ATP10D: variants seen among roughly 807,000 people sequenced by gnomAD.
ATP10D encodes phospholipid-transporting ATPase VD.
In ATP10D, 89 loss-of-function variants were observed where a neutral mutation model predicts 144.8. The ratio of observed to expected loss-of-function variants is 0.61; its 90% CI spans 0.52 to 0.73. The LOEUF (loss-of-function observed/expected upper bound fraction) is 0.73. Among genes scored for constraint, ATP10D ranks in the 30% least tolerant of loss-of-function variants. The pLI, the probability that ATP10D is intolerant of heterozygous loss-of-function variation, is 0.00. For missense variants in ATP10D, 1,603 were observed against 1,714.8 expected, an observed-to-expected ratio of 0.93 and a Z score of 1.15; for synonymous variants, 571 against 615.1, an observed-to-expected ratio of 0.93 and a Z score of 1.06.
chr4:47,581,029 C>G (rs938091158), intron 20 of ATP10D, among the ~76,000 whole-genome samples: 12 of 152,140 alleles, frequency 7.9e-5, no homozygotes, highest in African/African-American at 2.9e-4. Flanking sequence ...CACCACTGCA[C>G]TCCAGCCTAG....
intron 2 of ATP10D, among the ~76,000 whole-genome samples, chr4:47,513,335 A>G (rs1716463014): frequency 6.6e-6 from 1 of 152,234 alleles, no homozygotes; most frequent in African/African-American, 2.4e-5. Flanking sequence ...ACTGAAGGAA[A>G]TGGAAGTGTG....
intron 21 of ATP10D, chr4:47,583,247 A>C (rs1720616055): frequency 6.6e-6 from 1 of 152,226 alleles, no homozygotes; most frequent in Non-Finnish European, 1.5e-5. Context: ...ACTGTATACC[A>C]GTGTTAAAGG....
At chr4:47,560,267 G>A (rs546192327) in intron 13 of ATP10D, 1 of 152,104 alleles carries the variant, frequency 6.6e-6, no homozygotes, top group Non-Finnish European at 1.5e-5. Context: ...GCAACCTAAA[G>A]ACAAAGGAAA....
At chr4:47,547,557 C>T (rs944725082) in intron 10 of ATP10D, 1 of 152,138 alleles carries the variant, frequency 6.6e-6, no homozygotes, top group Non-Finnish European at 1.5e-5. Context: ...TATAAAAGTT[C>T]AATTTCCTTC....
At chr4:47,585,213 A>G (rs1045656699) in intron 21 of ATP10D, among the ~76,000 whole-genome samples, 1 of 151,908 alleles carries the variant, frequency 6.6e-6, no homozygotes, top group Admixed American at 6.6e-5. Context: ...CAAACCCTAG[A>G]CTCAGCTCTT....
chr4:47,560,728 G>A (rs1719250951), intron 13 of ATP10D, among the ~76,000 whole-genome samples: 1 of 152,184 alleles, frequency 6.6e-6, no homozygotes, highest in Non-Finnish European at 1.5e-5. Context: ...CAGAGATGCT[G>A]AGTTAAAGGG....
chr4:47,518,546 C>T (rs1028405119), intron 3 of ATP10D, among the ~76,000 whole-genome samples: 6 of 152,068 alleles, frequency 3.9e-5, no homozygotes, highest in African/African-American at 1.2e-4. Context: ...AAAATAGATA[C>T]AATGTCTGCC....
chr4:47,509,210 A>C (rs186790500), intron 1 of ATP10D, among the ~76,000 whole-genome samples: 1 of 148,898 alleles, frequency 6.7e-6, no homozygotes, highest in African/African-American at 2.5e-5. Context: ...TTTAAATCTG[A>C]TATTTTCAAA....
At chr4:47,540,430 T>G (rs1358016552) in intron 9 of ATP10D, among the ~76,000 whole-genome samples, 1 of 152,194 alleles carries the variant, frequency 6.6e-6, no homozygotes, top group African/African-American at 2.4e-5. Context: ...CTCAGACCCC[T>G]CTTCAGAGCT....
At chr4:47,541,266 A>G (rs1718120947) in intron 9 of ATP10D, among the ~76,000 whole-genome samples, 1 of 152,212 alleles carries the variant, frequency 6.6e-6, no homozygotes, top group Non-Finnish European at 1.5e-5. Context: ...AAATAGGCCT[A>G]TCTCTTAAGG....
At chr4:47,508,288 C>T (rs1577623582) in intron 1 of ATP10D, among the ~76,000 whole-genome samples, 1 of 152,194 alleles carries the variant, frequency 6.6e-6, no homozygotes, top group East Asian at 1.9e-4. Flanking sequence ...GCTGCTACTT[C>T]TCAGGCATTA....
chr4:47,550,841 T>C (rs981326124), intron 10 of ATP10D, among the ~76,000 whole-genome samples: 3 of 151,400 alleles, frequency 2.0e-5, no homozygotes, highest in Non-Finnish European at 4.4e-5. Context: ...CAGCGGCGGG[T>C]CTGCGATGGT....
chr4:47,515,813 G>C (rs777488916), intron 3 of ATP10D, 143 bp downstream of exon 3: 1 of 640,846 alleles, frequency 1.6e-6, no homozygotes, highest in Non-Finnish European at 2.5e-6. Flanking sequence ...CTAATATTTC[G>C]TAAAGTCCTA....
Position 47,530,473 on chromosome 4 carries a change from TTTC to T in ATP10D, c.776+4832_776+4834del, listed in dbSNP as rs1367003426. ...TTGTTTGTTTGTTTGTTTGTTTGTT[TTTC>T]GAGACAGTCTCACTCTATTTCCCAG... On this transcript the variant is annotated intron_variant, in intron 5 of 22. Transcript: ENST00000273859. Among the ~76,000 whole-genome samples, 455 of 150,816 alleles carry T rather than the reference TTTC, an allele frequency of 3.0e-3. 1 individual carries two copies. The highest frequency in any genetic ancestry group is 0.01 in the African/African-American group (425 of 40,870).
At chr4:47,555,130 G>A (rs1157894465) in intron 11 of ATP10D, among the ~76,000 whole-genome samples, 1 of 152,236 alleles carries the variant, frequency 6.6e-6, no homozygotes, top group Non-Finnish European at 1.5e-5. Context: ...TCTGTGGCCT[G>A]TTAGGAACCA....
chr4:47,497,539 T>C (rs1469737502), intron 1 of ATP10D, among the ~76,000 whole-genome samples: 2 of 152,108 alleles, frequency 1.3e-5, no homozygotes, highest in African/African-American at 4.8e-5. Flanking sequence ...ACAGATTAGC[T>C]CAAATAGGCC....
intron 19 of ATP10D, among the ~76,000 whole-genome samples, chr4:47,579,317 T>C (rs1238154625): frequency 2.6e-5 from 4 of 152,246 alleles, no homozygotes; most frequent in East Asian, 3.8e-4. Context: ...ACCTGGTATG[T>C]ACAAGACACT....
intron 1 of ATP10D, among the ~76,000 whole-genome samples, chr4:47,488,562 TATA>T (rs1714890681): frequency 6.7e-6 from 1 of 149,068 alleles, no homozygotes; most frequent in Non-Finnish European, 1.5e-5. Flanking sequence ...CTGTTATTTT[TATA>T]ATGACAAAAT....
intron 16 of ATP10D, among the ~76,000 whole-genome samples, chr4:47,571,750 A>G (rs1192165760): frequency 6.6e-6 from 1 of 152,130 alleles, no homozygotes; most frequent in African/African-American, 2.4e-5. Flanking sequence ...AAAGTATGAG[A>G]AGGATTTCCC....
Sources: gnomAD v4.1 joint callset for allele counts (sites outside exome capture counted in the v4.1 genomes callset) on GRCh38, gnomAD v4.1.1 for gene constraint, MANE v1.5 for transcripts, NCBI Gene and HGNC (gene_info 2026-07-23, HGNC 2026-07-21) for gene names.